Variants in THRB observed in about 807,000 individuals in gnomAD.
The protein encoded by THRB is thyroid hormone receptor beta, also known as nuclear receptor subfamily 1 group A member 2.
THRB carries 12 observed loss-of-function variants against 47.8 expected under a neutral mutation model. That is an observed-to-expected ratio of 0.25 (90% CI 0.16 to 0.41). THRB has a LOEUF of 0.41. Among genes scored for constraint, THRB ranks in the 10% least tolerant of loss-of-function variants. The pLI, the probability that THRB is intolerant of heterozygous loss-of-function variation, is 1.00. For missense variants in THRB, 348 were observed against 589.2 expected, an observed-to-expected ratio of 0.59 and a Z score of 4.24; for synonymous variants, 218 against 212.2, an observed-to-expected ratio of 1.03 and a Z score of -0.24.
intron 6 of THRB, among the ~76,000 whole-genome samples, chr3:24,150,622 T>C (rs2036780511): frequency 6.6e-6 from 1 of 152,196 alleles, no homozygotes; most frequent in African/African-American, 2.4e-5. Flanking sequence ...GGCAGGGATA[T>C]AGGTTAATAG....
Position 24,117,381 on chromosome 3 carries a change from A to G in THRB, c.*5503T>C, listed in dbSNP as rs1428397944. ...ATCATCTTGCCTCAACTCTCAGTCC[A>G]TAGTTTAGATGAAGCTGACTGTCCC... is the stretch of plus-strand genomic sequence containing the variant. On this transcript the variant is annotated 3_prime_UTR_variant, in exon 11 of 11. Transcript: ENST00000646209. The G allele has an allele frequency of 6.6e-6, 1 of 152,232 alleles. No individual in the cohort carries two copies. Among genetic ancestry groups the G allele is most frequent in the Non-Finnish European group, 1.5e-5 (1 of 68,048 alleles). 9.4% of individuals were successfully genotyped at this position (152,232 alleles called of 1,614,324 possible).
chr3:24,324,222 A>C (rs975648524), intron 2 of THRB, among the ~76,000 whole-genome samples: 2 of 151,924 alleles, frequency 1.3e-5, no homozygotes, highest in Non-Finnish European at 2.9e-5. Context: ...GAAAGAAGTC[A>C]CTTTGTTAAC....
At chr3:24,186,256 A>G (rs1360394250) in intron 5 of THRB, among the ~76,000 whole-genome samples, 2 of 152,134 alleles carry the variant, frequency 1.3e-5, no homozygotes, top group African/African-American at 2.4e-5. Flanking sequence ...TATTTCTACC[A>G]AGCTCCAGGT....
At chr3:24,172,904 A>G (rs1316758230) in intron 5 of THRB, among the ~76,000 whole-genome samples, 2 of 152,210 alleles carry the variant, frequency 1.3e-5, no homozygotes, top group African/African-American at 4.8e-5. Flanking sequence ...TTAATGCAAA[A>G]GATACCACAA....
intron 1 of THRB, among the ~76,000 whole-genome samples, chr3:24,396,364 C>T (rs548309751): frequency 2.3e-4 from 31 of 133,714 alleles, no homozygotes; most frequent in African/African-American, 7.5e-4. Flanking sequence ...GTGATTACAA[C>T]GTTTGGCCAA....
intron 1 of THRB, among the ~76,000 whole-genome samples, chr3:24,402,806 C>T (rs1046858917): frequency 7.9e-5 from 12 of 151,798 alleles, no homozygotes; most frequent in African/African-American, 1.9e-4. Context: ...ATGTCAACTC[C>T]GCCTTTTTAT....
chr3:24,166,731 C>T (rs930336060), intron 5 of THRB, among the ~76,000 whole-genome samples: 5 of 152,090 alleles, frequency 3.3e-5, no homozygotes, highest in African/African-American at 1.2e-4. Context: ...CAGGTGGTTA[C>T]GTTTACATTT....
intron 4 of THRB, 101 bp downstream of exon 4, chr3:24,228,836 CG>C: frequency 9.4e-7 from 1 of 1,064,528 alleles, no homozygotes; most frequent in Non-Finnish European, 1.4e-6. Flanking sequence ...TTGGAAATAA[CG>C]GTTGCTAAAA....
At chr3:24,254,058 G>GAA (rs2050953982) in intron 3 of THRB, among the ~76,000 whole-genome samples, 1 of 151,236 alleles carries the variant, frequency 6.6e-6, no homozygotes, top group Admixed American at 6.6e-5. Flanking sequence ...TAACATTTGG[G>GAA]TTTTTCTAAA....
At chr3:24,447,601 C>G (rs1211117375) in intron 1 of THRB, among the ~76,000 whole-genome samples, 2 of 152,090 alleles carry the variant, frequency 1.3e-5, no homozygotes. Flanking sequence ...CACCATGACC[C>G]TCTTCTTTGA....
chr3:24,365,138 T>C (rs2064365654), intron 1 of THRB, among the ~76,000 whole-genome samples: 1 of 152,202 alleles, frequency 6.6e-6, no homozygotes, highest in South Asian at 2.1e-4. Flanking sequence ...CATGTATTAT[T>C]AGCCTGGTCA....
chr3:24,373,563 G>A (rs1373255513), intron 1 of THRB, among the ~76,000 whole-genome samples: 1 of 152,084 alleles, frequency 6.6e-6, no homozygotes, highest in Non-Finnish European at 1.5e-5. Flanking sequence ...AGACCTCGAT[G>A]AGCCCTCTAT....
chr3:24,240,038 T>C (rs1051301452), intron 3 of THRB, among the ~76,000 whole-genome samples: 1 of 152,178 alleles, frequency 6.6e-6, no homozygotes, highest in African/African-American at 2.4e-5. Flanking sequence ...TGTATTTCTG[T>C]GGGGTTGCTG....
chr3:24,161,908 T>C (rs942794716), intron 5 of THRB, among the ~76,000 whole-genome samples: 1 of 139,672 alleles, frequency 7.2e-6, no homozygotes. Context: ...TAAGCATCTC[T>C]GACAACTTTT....
At chr3:24,221,902 C>A (rs1308750733) in intron 4 of THRB, among the ~76,000 whole-genome samples, 2 of 152,128 alleles carry the variant, frequency 1.3e-5, no homozygotes, top group Non-Finnish European at 2.9e-5. Flanking sequence ...CCAAGAGAAG[C>A]TCAGGAAGTT....
At chr3:24,366,029 G>A (rs1185338041) in intron 1 of THRB, among the ~76,000 whole-genome samples, 1 of 152,166 alleles carries the variant, frequency 6.6e-6, no homozygotes, top group Non-Finnish European at 1.5e-5. Context: ...CATTTTGAAG[G>A]TCAGAATTGT....
chr3:24,483,450 G>C (rs1696780199), intron 1 of THRB, among the ~76,000 whole-genome samples: 1 of 151,768 alleles, frequency 6.6e-6, no homozygotes, highest in African/African-American at 2.4e-5. Context: ...CCAAGAATCA[G>C]GTCTGGCCTT....
At chr3:24,127,855 G>A (rs1394040307) in intron 9 of THRB, 98 bp from the exon 10 acceptor site, 1 of 1,366,564 alleles carries the variant, frequency 7.3e-7, no homozygotes, top group Middle Eastern at 1.8e-4. Flanking sequence ...AACCTTCTGT[G>A]ATTAACATTT....
At chr3:24,226,329 A>G (rs1437758791) in intron 4 of THRB, among the ~76,000 whole-genome samples, 1 of 152,210 alleles carries the variant, frequency 6.6e-6, no homozygotes, top group Non-Finnish European at 1.5e-5. Context: ...TTCTTAAAAC[A>G]TGTACCCCTG....
Sources: allele counts gnomAD v4.1 joint callset (sites outside exome capture counted in the v4.1 genomes callset), GRCh38; gene constraint gnomAD v4.1.1; transcripts MANE v1.5; gene names NCBI Gene and HGNC (gene_info 2026-07-23, HGNC 2026-07-21).